MAP2: variants seen among roughly 807,000 people sequenced by gnomAD.
MAP2 encodes the protein microtubule associated protein 2.
In MAP2, 14 loss-of-function variants were observed where a neutral mutation model predicts 137.6. The ratio of observed to expected loss-of-function variants is 0.10; its 90% CI spans 0.07 to 0.16. The LOEUF is 0.16. MAP2 is among the 10% of genes least tolerant of loss of function. The pLI is 1.00. For missense variants in MAP2, 2,088 were observed against 2,191.5 expected (o/e 0.95, Z 0.94); for synonymous variants, 786 against 782.3 (o/e 1.00, Z -0.08).
intron 2 of MAP2, among the ~76,000 whole-genome samples, chr2:209,515,428 G>T (rs62213452): frequency 0.19 from 29,005 of 151,974 alleles, 3,350 homozygotes; most frequent in Non-Finnish European, 0.26. Context: ...TGCATGGCTG[G>T]GGAGGCCCCA....
chr2:209,636,456 T>C (rs916804731), intron 4 of MAP2, among the ~76,000 whole-genome samples: 1 of 152,064 alleles, frequency 6.6e-6, no homozygotes, highest in African/African-American at 2.4e-5. Flanking sequence ...GTGTTTACAA[T>C]TGGAGTGAGT....
intron 7 of MAP2, 35 bp downstream of exon 7, chr2:209,680,862 T>C (rs1415363122): frequency 2.6e-6 from 4 of 1,563,528 alleles, no homozygotes; most frequent in Middle Eastern, 1.7e-4. Flanking sequence ...GTTTGTCTTC[T>C]GTTAAAGTGT....
intron 13 of MAP2, among the ~76,000 whole-genome samples, chr2:209,717,415 T>G (rs1007022241): frequency 1.2e-4 from 19 of 152,122 alleles, no homozygotes; most frequent in Admixed American, 6.5e-5. Flanking sequence ...ACCAGGTCCC[T>G]CCTCCAATTC....
chr2:209,507,082 C>T (rs929087815), intron 1 of MAP2, among the ~76,000 whole-genome samples: 1 of 151,996 alleles, frequency 6.6e-6, no homozygotes, highest in African/African-American at 2.4e-5. Flanking sequence ...TCTGGGATCT[C>T]TTTTATAGGG....
intron 5 of MAP2, among the ~76,000 whole-genome samples, chr2:209,668,627 T>C (rs1419366454): frequency 6.6e-6 from 1 of 152,038 alleles, no homozygotes; most frequent in African/African-American, 2.4e-5. Flanking sequence ...GAAATACAAA[T>C]ATGACATTGA....
chr2:209,709,774 C>A, intron 12 of MAP2, 140 bp from the exon 13 acceptor site: 1 of 611,348 alleles, frequency 1.6e-6, no homozygotes, highest in South Asian at 2.6e-5. Context: ...CTCTCAGCTT[C>A]TTGAGTACTA....
intron 1 of MAP2, among the ~76,000 whole-genome samples, chr2:209,437,869 G>A (rs184860845): frequency 2.0e-5 from 3 of 150,998 alleles, no homozygotes; most frequent in East Asian, 3.9e-4. Context: ...GAGATAAGTC[G>A]TTCCCCTGTA....
intron 4 of MAP2, among the ~76,000 whole-genome samples, chr2:209,636,125 T>C (rs554455510): frequency 6.6e-6 from 1 of 152,282 alleles, no homozygotes; most frequent in Admixed American, 6.5e-5. Context: ...AGTTGTACCA[T>C]GTGCTCAGTA....
intron 2 of MAP2, among the ~76,000 whole-genome samples, chr2:209,573,376 C>T (rs562101750): frequency 3.4e-5 from 5 of 149,098 alleles, no homozygotes; most frequent in South Asian, 2.1e-4. Flanking sequence ...TCACCACAAC[C>T]TCCGCCTCCT....
At chr2:209,525,657 C>T (rs1466293122) in intron 2 of MAP2, among the ~76,000 whole-genome samples, 1 of 152,116 alleles carries the variant, frequency 6.6e-6, no homozygotes, top group African/African-American at 2.4e-5. Flanking sequence ...AGTTCCAACC[C>T]TTCTAACTAA....
intron 3 of MAP2, among the ~76,000 whole-genome samples, chr2:209,614,509 C>T (rs553598186): frequency 6.6e-4 from 101 of 152,248 alleles, no homozygotes; most frequent in African/African-American, 2.4e-3. Flanking sequence ...ATATTATGCA[C>T]TCAGGAATAT....
At chr2:209,510,595 A>T (rs937623715) in intron 2 of MAP2, among the ~76,000 whole-genome samples, 1 of 152,102 alleles carries the variant, frequency 6.6e-6, no homozygotes, top group South Asian at 2.1e-4. Context: ...TGCAATACCC[A>T]TGCCAATGTT....
intron 2 of MAP2, among the ~76,000 whole-genome samples, chr2:209,513,555 T>G (rs1299273532): frequency 2.8e-5 from 3 of 106,042 alleles, no homozygotes; most frequent in Non-Finnish European, 4.7e-5. Context: ...TACATATATG[T>G]GCGTATATGT....
chr2:209,436,547 C>G (rs992546520), intron 1 of MAP2, among the ~76,000 whole-genome samples: 2 of 151,642 alleles, frequency 1.3e-5, no homozygotes, highest in African/African-American at 2.4e-5. Context: ...GAACATGAAT[C>G]CAGAAAATGG....
chr2:209,692,056 C>G (rs1201592653), intron 7 of MAP2, among the ~76,000 whole-genome samples: 2 of 152,040 alleles, frequency 1.3e-5, no homozygotes, highest in Admixed American at 6.6e-5. Context: ...AGAATTGGCC[C>G]TGACATTTGT....
At chr2:209,688,369 A>C (rs2057785646) in intron 7 of MAP2, among the ~76,000 whole-genome samples, 1 of 152,200 alleles carries the variant, frequency 6.6e-6, no homozygotes, top group Non-Finnish European at 1.5e-5. Flanking sequence ...TAATATTACT[A>C]TTAAATAGCA....
chr2:209,663,533 A>C (rs1171177310), intron 5 of MAP2, among the ~76,000 whole-genome samples: 3 of 152,212 alleles, frequency 2.0e-5, no homozygotes, highest in Non-Finnish European at 4.4e-5. Context: ...TGCAACTTTT[A>C]ACAATGCTTT....
rs34693874 is a variant in MAP2 at position 209,694,450 on chromosome 2, T to C, written c.2280T>C (p.Pro760=). The change falls in exon 8 of 16, where the codon CCT becomes CCC. Residue 760 remains proline (P), a synonymous_variant. Transcript: ENST00000682079. Reference sequence around the variant, plus strand: ...CACTGGAGAAAGCCCCTTGCTTCCCTGTAGAAAGCAAAGAGGAAGAACAGA... The same window carrying C: ...CACTGGAGAAAGCCCCTTGCTTCCCCGTAGAAAGCAAAGAGGAAGAACAGA... ...TPALEKAPCF[P]VESKEEEQIE... 6,441 of 1,613,964 alleles carry C rather than the reference T, an allele frequency of 4.0e-3. 206 individuals carry two copies. In the African/African-American group the frequency reaches 0.073, roughly 18 times the overall value.
At chr2:209,506,199 C>G (rs2061034368) in intron 1 of MAP2, among the ~76,000 whole-genome samples, 1 of 152,086 alleles carries the variant, frequency 6.6e-6, no homozygotes, top group Non-Finnish European at 1.5e-5. Context: ...AAAAAAATCT[C>G]CACAGATGTA....
Sources: gnomAD v4.1 joint callset for allele counts (sites outside exome capture counted in the v4.1 genomes callset) on GRCh38, gnomAD v4.1.1 for gene constraint, MANE v1.5 for transcripts, NCBI Gene and HGNC (gene_info 2026-07-23, HGNC 2026-07-21) for gene names.